The following KLF13 variants were observed in gnomAD, a reference collection of about 807,000 sequenced individuals.
The protein encoded by KLF13 is Krueppel-like factor 13.
A neutral mutation model predicts 16.7 loss-of-function variants in KLF13; 8 were observed. That is an observed-to-expected ratio of 0.48 (90% CI 0.28 to 0.87). KLF13 has a LOEUF of 0.87. Among genes scored for constraint, KLF13 ranks in the 40% least tolerant of loss-of-function variants. KLF13 has a pLI of 0.10. For synonymous variants in KLF13, 245 were observed against 208.4 expected (o/e 1.18, Z -1.51); for missense variants, 447 against 452.2 (o/e 0.99, Z 0.10).
downstream of KLF13, among the ~76,000 whole-genome samples, chr15:31,382,581 C>T (rs1019475330): frequency 7.2e-5 from 11 of 152,294 alleles, no homozygotes; most frequent in Admixed American, 1.3e-4. Context: ...ATTTTTCTGG[C>T]TGCTGCATTT....
intron 1 of KLF13, among the ~76,000 whole-genome samples, chr15:31,424,875 T>TCA (rs71110875): frequency 0.019 from 2,848 of 146,292 alleles, 74 homozygotes; most frequent in African/African-American, 0.065. Context: ...TCTAGAGATT[T>TCA]CACACACACA....
intron 2 of KLF13, among the ~76,000 whole-genome samples, chr15:31,402,990 C>A (rs1310809208): frequency 6.6e-6 from 1 of 150,492 alleles, no homozygotes; most frequent in African/African-American, 2.5e-5. Context: ...AGGGCCAGGT[C>A]CCTTGGGGCC....
At position 31,327,792 on chromosome 15, in the gene KLF13, C is replaced by T. The variant is rs774999417; in HGVS notation, c.577+3C>T. On this transcript the variant is annotated splice_donor_region_variant and intron_variant, in intron 1 of 1. Coordinates refer to ENST00000307145, the MANE Select transcript of KLF13 (RefSeq NM_015995.4). ...GGCGCACCTGAGAACTCACACAGGTCAGTGGGGCGGCGCGGGCGCCCGGAT... is the reference window on the plus strand; with the variant it reads ...GGCGCACCTGAGAACTCACACAGGTTAGTGGGGCGGCGCGGGCGCCCGGAT... 17 of 1,490,952 alleles carry T rather than the reference C, an allele frequency of 1.1e-5. No individual in the cohort carries two copies. In the Middle Eastern group the frequency reaches 5.4e-4, roughly 48 times the overall value. The allele number at this position is 1,490,952 out of a possible 1,614,324, so 92.4% of individuals were successfully genotyped here. A position where few individuals can be genotyped will look rare whatever the true frequency, so the allele number is the denominator to read the frequency against.
chr15:31,327,882 T>G (rs2038746863), intron 1 of KLF13, 93 bp downstream of exon 1: 4 of 1,169,248 alleles, frequency 3.4e-6, no homozygotes, highest in Admixed American at 4.9e-5. Flanking sequence ...GGGCGCGAGG[T>G]GGGGGCCGGG....
intron 1 of KLF13, chr15:31,420,210 A>G (rs1033575988): frequency 1.6e-6 from 1 of 623,592 alleles, no homozygotes; most frequent in Non-Finnish European, 3.0e-6. Flanking sequence ...GGTGCTGCCC[A>G]GAATCCTGTG....
chr15:31,327,104 A>C lies in KLF13; in HGVS notation c.-109A>C. 69 of 526,624 alleles carry C rather than the reference A, an allele frequency of 1.3e-4. No individual in the cohort carries two copies. The highest frequency in any genetic ancestry group is 1.6e-4 in the Non-Finnish European group (63 of 396,618). 32.6% of individuals were successfully genotyped at this position (526,624 alleles called of 1,614,324 possible). ...CAGCCCAGCCCAGCCCAGCCCGAGG[A>C]GAGGGCGCGCCGCGCCCCCGCCCCC... is the stretch of plus-strand genomic sequence containing the variant. On this transcript the variant is annotated 5_prime_UTR_variant, in exon 1 of 2. Transcript: ENST00000307145.
chr15:31,390,707 T>G (rs1699145704), upstream of KLF13, among the ~76,000 whole-genome samples: 1 of 152,190 alleles, frequency 6.6e-6, no homozygotes, highest in African/African-American at 2.4e-5. Flanking sequence ...AATCTTGTAT[T>G]GTTAATTGCC....
At chr15:31,335,031 C>T (rs1030655430) in intron 1 of KLF13, among the ~76,000 whole-genome samples, 3 of 152,204 alleles carry the variant, frequency 2.0e-5, no homozygotes, top group Non-Finnish European at 4.4e-5. Context: ...TGCCATTTGG[C>T]CATAAACACG....
At position 31,375,080 on chromosome 15, in the gene KLF13, C is replaced by T. The variant is rs2039621906; in HGVS notation, c.*2781C>T. On this transcript the variant is annotated 3_prime_UTR_variant, in exon 2 of 2. Coordinates refer to ENST00000307145, the MANE Select transcript of KLF13 (RefSeq NM_015995.4). ...TGCGGTCCTTAGGCCCCGGCCTGGA[C>T]TGGGAAATGGGGGTAGGGCACCAGG... is the stretch of plus-strand genomic sequence containing the variant. The T allele has an allele frequency of 6.6e-6, 1 of 152,566 alleles. No individual in the cohort carries two copies. Among genetic ancestry groups the T allele is most frequent in the Non-Finnish European group, 1.5e-5 (1 of 68,040 alleles). 9.5% of individuals were successfully genotyped at this position (152,566 alleles called of 1,614,324 possible). A position where few individuals can be genotyped will look rare whatever the true frequency, so the allele number is the denominator to read the frequency against.
chr15:31,347,617 A>G (rs989233738), intron 1 of KLF13, among the ~76,000 whole-genome samples: 5 of 152,192 alleles, frequency 3.3e-5, no homozygotes, highest in Non-Finnish European at 7.4e-5. Context: ...GCGGAGCCTC[A>G]GAGTAGGGGA....
downstream of KLF13, among the ~76,000 whole-genome samples, chr15:31,380,998 C>A (rs1355510072): frequency 6.6e-6 from 1 of 152,078 alleles, no homozygotes; most frequent in Admixed American, 6.5e-5. Flanking sequence ...ATCATGAAAC[C>A]CCATCCCCAC....
At chr15:31,420,102 T>C (rs1322310954) in intron 1 of KLF13, 1 of 385,346 alleles carries the variant, frequency 2.6e-6, no homozygotes. Flanking sequence ...AAACTGTTCT[T>C]CAAAAATGAA....
intron 1 of KLF13, among the ~76,000 whole-genome samples, chr15:31,346,454 C>T (rs913347667): frequency 5.3e-5 from 8 of 152,196 alleles, no homozygotes; most frequent in Admixed American, 1.3e-4. Context: ...CCTGGAGCTG[C>T]GGCCACCCAC....
rs149155542 is a variant in KLF13 at position 31,353,329 on chromosome 15, C to T, written c.578-18681C>T. Among the ~76,000 whole-genome samples the T allele has an allele frequency of 4.5e-4, 69 of 152,258 alleles. 1 individual carries two copies. The highest frequency in any genetic ancestry group is 1.5e-3 in the African/African-American group (63 of 41,554). On this transcript the variant is annotated intron_variant, in intron 1 of 1. Transcript: ENST00000307145. Reference sequence around the variant, plus strand: ...AAGTGCGTGGGAAACCTGTCCCAGGCGTTCTGTAACCGTAGCTGCAGGTGC... The same window carrying T: ...AAGTGCGTGGGAAACCTGTCCCAGGTGTTCTGTAACCGTAGCTGCAGGTGC...
Position 31,327,657 on chromosome 15 carries a change from C to G in KLF13, c.445C>G (p.Gln149Glu). ...PAGSGEPGLR[Q>E]RVRRGRSRAD... ...GGGGAGCGGCGAGCCCGGCCTCAGA[C>G]AAAGGGTCCGGCGGGGCCGAAGTCG... The change falls in exon 1 of 2, where the codon CAA becomes GAA. Residue 149 changes from glutamine to glutamate, a missense_variant. Physicochemically the swap from Gln to Glu is conservative, Grantham distance 29. Around this residue, in one of 2 missense-constraint regions of KLF13, gnomAD observed 359 missense variants for 282.8 expected, o/e 1.27. Coordinates refer to ENST00000307145, the MANE Select transcript of KLF13 (RefSeq NM_015995.4). 1.3e-6 allele frequency: 2 copies of G among 1,485,148 alleles called. No individual in the cohort carries two copies. The highest frequency in any genetic ancestry group is 1.8e-6 in the Non-Finnish European group (2 of 1,111,040). 92.0% of individuals were successfully genotyped at this position (1,485,148 alleles called of 1,614,324 possible). A position where few individuals can be genotyped will look rare whatever the true frequency, so the allele number is the denominator to read the frequency against.
rs1198855529 is a variant in KLF13, at chr15:31,421,939, C to A, written n.118-13431C>A. ...GACCAGCCTGGCCAACATGATGAAACCCCATCTCTACCAAAAATATAAAAA... is the reference window on the plus strand; with the variant it reads ...GACCAGCCTGGCCAACATGATGAAAACCCATCTCTACCAAAAATATAAAAA... On this transcript the variant is annotated intron_variant and non_coding_transcript_variant, in intron 1 of 1. Transcript: ENST00000558225. Among the ~76,000 whole-genome samples the A allele has an allele frequency of 2.0e-5, 3 of 152,090 alleles. No homozygotes were observed. The East Asian group carries it at 5.8e-4, about 29-fold the overall frequency.
intron 1 of KLF13, among the ~76,000 whole-genome samples, chr15:31,423,164 T>TATATATACGTATATGTATATATAC (rs371896440): frequency 3.9e-5 from 1 of 25,354 alleles, no homozygotes; most frequent in African/African-American, 3.6e-4. Context: ...CGTATATATA[T>TATATATACGTATATGTATATATAC]GTATATATAT....
chr15:31,383,617 T>G (rs1487377021), intron 1 of KLF13, among the ~76,000 whole-genome samples: 2 of 152,204 alleles, frequency 1.3e-5, no homozygotes, highest in Non-Finnish European at 1.5e-5. Context: ...AATATCAAGA[T>G]GGGCCGGGCG....
chr15:31,367,555 G>T (rs148190224), intron 1 of KLF13, among the ~76,000 whole-genome samples: 2 of 152,302 alleles, frequency 1.3e-5, no homozygotes, highest in Non-Finnish European at 2.9e-5. Flanking sequence ...GTAGCTCTGT[G>T]TACCTCACAT....
Sources: gnomAD v4.1 joint callset for allele counts (sites outside exome capture counted in the v4.1 genomes callset) on GRCh38, gnomAD v4.1.1 for gene constraint, gnomAD v4.1.1 regional missense constraint, MANE v1.5 for transcripts, NCBI Gene and HGNC (gene_info 2026-07-23, HGNC 2026-07-21) for gene names.